Variants in AZIN1 observed in about 807,000 individuals in gnomAD.
AZIN1 encodes the protein ornithine decarboxylase antizyme inhibitor.
AZIN1 carries 12 observed loss-of-function variants against 47.4 expected under a neutral mutation model. The observed-to-expected ratio is 0.25, with a 90% CI of 0.16 to 0.41. The LOEUF is 0.41. AZIN1 is among the 10% of genes least tolerant of loss of function. The probability of loss-of-function intolerance (pLI) is 1.00; values close to 1 mark genes in which losing one functional copy is unlikely to be tolerated. For missense variants in AZIN1, 410 were observed against 532.4 expected (o/e 0.77, Z 2.26); for synonymous variants, 155 against 176.3 (o/e 0.88, Z 0.96).
In AZIN1 at chr8:102,828,695, T is replaced by C; in HGVS notation, c.1236-17A>G. ...ATCTCATACCTACGTAGAAAAAAAA[T>C]CAGCTAAATTCTCAGTTTAAGCCCA... On this transcript the variant is annotated splice_polypyrimidine_tract_variant and intron_variant, in intron 11 of 11. Coordinates refer to ENST00000337198, the MANE Select transcript of AZIN1 (RefSeq NM_148174.4). The C allele has an allele frequency of 1.9e-6, 3 of 1,544,236 alleles. 1 individual carries two copies. Among genetic ancestry groups the C allele is most frequent in the Admixed American group, 3.5e-5 (2 of 57,912 alleles).
intron 8 of AZIN1, among the ~76,000 whole-genome samples, chr8:102,833,753 AT>A (rs11355998): frequency 0.54 from 70,059 of 130,274 alleles, 18,991 homozygotes; most frequent in East Asian, 0.75. Flanking sequence ...GAAAGACTCA[AT>A]TTTTTTTTTT....
rs891837364 is a variant in AZIN1, at chr8:102,827,481, A to G, written c.*1086T>C. On this transcript the variant is annotated 3_prime_UTR_variant, in exon 12 of 12. Coordinates refer to ENST00000337198, the MANE Select transcript of AZIN1 (RefSeq NM_148174.4). ...CAACTGAAGATAATAAGTGTGCTTC[A>G]CCCCAACCCCCATCCCAACTCTGAA... 3 of 152,200 alleles carry G rather than the reference A, an allele frequency of 2.0e-5. No individual in the cohort carries two copies. Among genetic ancestry groups the G allele is most frequent in the Non-Finnish European group, 4.4e-5 (3 of 68,016 alleles). 9.4% of individuals were successfully genotyped at this position (152,200 alleles called of 1,614,324 possible).
chr8:102,840,500 G>A (rs892282263), intron 3 of AZIN1, among the ~76,000 whole-genome samples: 6 of 152,110 alleles, frequency 3.9e-5, no homozygotes, highest in Admixed American at 6.6e-5. Context: ...GTGAGCCACC[G>A]TGACCAACCA....
intron 6 of AZIN1, chr8:102,835,394 C>T (rs1811754787): frequency 6.6e-6 from 1 of 152,356 alleles, no homozygotes; most frequent in Non-Finnish European, 1.5e-5. Flanking sequence ...TAAAACTAGA[C>T]TGACATGGAA....
chr8:102,860,388 G>C (rs1260867331), intron 1 of AZIN1, among the ~76,000 whole-genome samples: 1 of 152,066 alleles, frequency 6.6e-6, no homozygotes, highest in Non-Finnish European at 1.5e-5. Context: ...TCAGCCTTCC[G>C]AGTAGCTCGG....
rs1215114192 is a variant in AZIN1 at position 102,829,905 on chromosome 8, G to A, written c.936C>T (p.Phe312=). ...VEKTGSDEPA[F]MYYMNDGVYG... ...AAACACCATCATTCATATAATACATGAAGGCTGGTTCATCACTTCCGGTTT... is the reference window on the plus strand; with the variant it reads ...AAACACCATCATTCATATAATACATAAAGGCTGGTTCATCACTTCCGGTTT... Residue 312 remains phenylalanine (F), a synonymous_variant, in exon 10 of 12, where the codon TTC becomes TTT. Coordinates refer to ENST00000337198, the MANE Select transcript of AZIN1 (RefSeq NM_148174.4). 4 of 1,611,880 alleles carry A rather than the reference G, an allele frequency of 2.5e-6. No individual in the cohort carries two copies. Among genetic ancestry groups the A allele is most frequent in the Non-Finnish European group, 2.5e-6 (3 of 1,179,174 alleles).
At chr8:102,852,075 G>T (rs2131266213) in intron 2 of AZIN1, among the ~76,000 whole-genome samples, 1 of 152,226 alleles carries the variant, frequency 6.6e-6, no homozygotes, top group South Asian at 2.1e-4. Context: ...ATTATTTTTG[G>T]GGTGATTGTT....
chr8:102,839,974 G>A, intron 3 of AZIN1, 151 bp from the exon 4 acceptor site: 1 of 471,496 alleles, frequency 2.1e-6, no homozygotes, highest in Non-Finnish European at 3.6e-6. Flanking sequence ...TTGTTAACTA[G>A]ATTTAGTAAA....
At chr8:102,857,244 G>A (rs769939667) in intron 2 of AZIN1, among the ~76,000 whole-genome samples, 1 of 152,134 alleles carries the variant, frequency 6.6e-6, no homozygotes, top group Non-Finnish European at 1.5e-5. Context: ...ATAGGGATCT[G>A]TTTAACAAGA....
At chr8:102,828,721 A>G in intron 11 of AZIN1, 43 bp from the exon 12 acceptor site, 2 of 1,257,716 alleles carry the variant, frequency 1.6e-6, no homozygotes, top group Non-Finnish European at 2.3e-6. Flanking sequence ...TTTAAGCCCA[A>G]AGACCACGTA....
intron 2 of AZIN1, chr8:102,850,288 A>G (rs1812838870): frequency 6.6e-6 from 1 of 152,196 alleles, no homozygotes; most frequent in Non-Finnish European, 1.5e-5. Flanking sequence ...TGAAATTTAC[A>G]CTATTACTGT....
At chr8:102,840,749 GTT>G (rs776529274) in intron 3 of AZIN1, among the ~76,000 whole-genome samples, 22 of 152,168 alleles carry the variant, frequency 1.4e-4, no homozygotes, top group Non-Finnish European at 2.5e-4. Flanking sequence ...TCCAAATACT[GTT>G]TGAGAATCCA....
chr8:102,830,625 C>A (rs1811385074), intron 9 of AZIN1, among the ~76,000 whole-genome samples: 1 of 143,182 alleles, frequency 7.0e-6, no homozygotes, highest in African/African-American at 2.6e-5. Context: ...GCCTGGATAA[C>A]AGAGCAAAAA....
At chr8:102,845,147 C>A (rs951899345) in intron 2 of AZIN1, among the ~76,000 whole-genome samples, 10 of 151,960 alleles carry the variant, frequency 6.6e-5, no homozygotes, top group African/African-American at 2.4e-4. Flanking sequence ...CCCCCTCCAC[C>A]CTCCCTAATG....
intron 7 of AZIN1, 70 bp downstream of exon 7, chr8:102,834,596 A>AACT: frequency 8.6e-7 from 1 of 1,164,556 alleles, no homozygotes; most frequent in Non-Finnish European, 1.2e-6. Context: ...ACAGGCAGAA[A>AACT]ATACTTAGTC....
chr8:102,854,624 A>ATTTT (rs1400631878), intron 2 of AZIN1: 1 of 126,200 alleles, frequency 7.9e-6, no homozygotes, highest in East Asian at 2.1e-4. Context: ...ATATATATAT[A>ATTTT]TATTTTTTTT....
intron 1 of AZIN1, among the ~76,000 whole-genome samples, chr8:102,863,340 C>T (rs1813865607): frequency 6.6e-6 from 1 of 152,042 alleles, no homozygotes; most frequent in Non-Finnish European, 1.5e-5. Context: ...GCCGCCCGCC[C>T]GCCGGGCTTC....
At chr8:102,863,649 G>A (rs912877047) in intron 1 of AZIN1, among the ~76,000 whole-genome samples, 158 bp downstream of exon 1, 40 of 148,964 alleles carry the variant, frequency 2.7e-4, no homozygotes, top group Non-Finnish European at 2.4e-4. Context: ...CCGCCGCCGG[G>A]GGCACAGACA....
chr8:102,846,732 A>G (rs1440492031), intron 2 of AZIN1, among the ~76,000 whole-genome samples: 2 of 152,134 alleles, frequency 1.3e-5, no homozygotes, highest in Non-Finnish European at 2.9e-5. Context: ...TTTCAGACAT[A>G]TGAACACTCA....
Sources: allele counts gnomAD v4.1 joint callset (sites outside exome capture counted in the v4.1 genomes callset), GRCh38; gene constraint gnomAD v4.1.1; transcripts MANE v1.5; gene names NCBI Gene and HGNC (gene_info 2026-07-23, HGNC 2026-07-21).